The following MYO16 variants were observed in gnomAD, a reference collection of about 807,000 sequenced individuals.
MYO16 encodes unconventional myosin-XVI.
Under a neutral mutation model 205.3 loss-of-function variants are expected in MYO16, and 94 were observed. The ratio of observed to expected loss-of-function variants is 0.46; its 90% confidence interval spans 0.39 to 0.54. MYO16 has a LOEUF of 0.54. Ranked by LOEUF, MYO16 falls within the 20% of genes least tolerant of loss-of-function variation. The pLI, the probability that MYO16 is intolerant of heterozygous loss-of-function variation, is 0.00. For missense variants in MYO16, 2,315 were observed against 2,387.5 expected, an observed-to-expected ratio of 0.97 and a Z score of 0.63; for synonymous variants, 988 against 954.0, an observed-to-expected ratio of 1.04 and a Z score of -0.66.
chr13:108,639,744 A>G (rs1421363136), intron 1 of MYO16, among the ~76,000 whole-genome samples: 1 of 152,236 alleles, frequency 6.6e-6, no homozygotes, highest in African/African-American at 2.4e-5. Context: ...GAGGCCAGGT[A>G]GGTGGCTCTT....
intron 23 of MYO16, among the ~76,000 whole-genome samples, chr13:109,021,122 A>G (rs771649775): frequency 3.3e-5 from 5 of 152,196 alleles, no homozygotes; most frequent in Non-Finnish European, 5.9e-5. Flanking sequence ...TTGGAAAGAC[A>G]TAGAATTTTG....
chr13:108,881,061 A>G (rs777040541), intron 12 of MYO16, among the ~76,000 whole-genome samples: 8 of 152,206 alleles, frequency 5.3e-5, no homozygotes, highest in Non-Finnish European at 8.8e-5. Context: ...CTGACACGTC[A>G]TACAGCCAGG....
intron 3 of MYO16, 73 bp downstream of exon 3, chr13:108,712,804 G>A (rs930091948): frequency 1.7e-6 from 2 of 1,159,218 alleles, no homozygotes; most frequent in Non-Finnish European, 2.4e-6. Flanking sequence ...TCAAACCCAG[G>A]AACGAAATGT....
At chr13:109,132,998 A>G (rs1876609556) in intron 31 of MYO16, among the ~76,000 whole-genome samples, 1 of 152,202 alleles carries the variant, frequency 6.6e-6, no homozygotes, top group Non-Finnish European at 1.5e-5. Context: ...GGGCATGCCA[A>G]CAGCATCGAG....
chr13:108,863,479 A>T (rs1056517927), intron 11 of MYO16, among the ~76,000 whole-genome samples: 1 of 152,106 alleles, frequency 6.6e-6, no homozygotes, highest in African/African-American at 2.4e-5. Context: ...GTTTTTTAAA[A>T]TATTATTAGT....
intron 1 of MYO16, among the ~76,000 whole-genome samples, chr13:108,604,077 GAGGAAA>G (rs1315044496): frequency 6.6e-6 from 1 of 152,014 alleles, no homozygotes; most frequent in Non-Finnish European, 1.5e-5. Context: ...CAAAGCTAAG[GAGGAAA>G]AGCCCCTTCT....
Position 109,206,764 on chromosome 13 carries a change from C to A in MYO16, c.5571C>A (p.Pro1857=). 1 of 1,614,180 alleles carries A rather than the reference C, an allele frequency of 6.2e-7. No individual in the cohort carries two copies. Among genetic ancestry groups the A allele is most frequent in the Non-Finnish European group, 8.5e-7 (1 of 1,180,030 alleles). The change falls in exon 35 of 35, where the codon CCC becomes CCA. Residue 1857 remains proline (P), a synonymous_variant. Transcript: ENST00000457511. The part of the protein sequence containing the change: ...RVPPPPPCKK[P]SLLKKPEGAS... ...CTCCCCCACCACCTTGCAAGAAGCC[C>A]AGCCTTCTGAAGAAGCCGGAAGGGG...
intron 34 of MYO16, among the ~76,000 whole-genome samples, chr13:109,183,442 T>G (rs1879542194): frequency 6.6e-6 from 1 of 152,224 alleles, no homozygotes. Context: ...TGCTTGGTAC[T>G]TGCCCTTGGC....
At chr13:108,755,143 A>G (rs972208116) in intron 4 of MYO16, among the ~76,000 whole-genome samples, 6 of 152,094 alleles carry the variant, frequency 3.9e-5, no homozygotes, top group Non-Finnish European at 7.4e-5. Context: ...AGAGATCAAC[A>G]GTGATTTCTG....
intron 32 of MYO16, among the ~76,000 whole-genome samples, chr13:109,143,946 G>A (rs1877212702): frequency 6.6e-6 from 1 of 151,816 alleles, no homozygotes; most frequent in Non-Finnish European, 1.5e-5. Context: ...ACCAGACCAG[G>A]TCATCCCTGT....
the MYO16 span, among the ~76,000 whole-genome samples, chr13:108,587,514 C>T: frequency 1.3e-5 from 2 of 152,036 alleles, no homozygotes; most frequent in African/African-American, 2.4e-5. Flanking sequence ...ATGTTATTCA[C>T]GTTTTAAATT....
At chr13:109,190,876 A>C (rs1031415679) in intron 34 of MYO16, among the ~76,000 whole-genome samples, 1 of 152,208 alleles carries the variant, frequency 6.6e-6, no homozygotes, top group Non-Finnish European at 1.5e-5. Context: ...TAAAGCATAT[A>C]ATAATATATA....
intron 22 of MYO16, among the ~76,000 whole-genome samples, chr13:109,017,739 T>C (rs1457885476): frequency 6.6e-6 from 1 of 152,230 alleles, no homozygotes; most frequent in Non-Finnish European, 1.5e-5. Flanking sequence ...ACACCCTTTC[T>C]TCCAGTTGAT....
intron 16 of MYO16, among the ~76,000 whole-genome samples, chr13:108,915,561 G>A (rs1881462373): frequency 6.6e-6 from 1 of 152,174 alleles, no homozygotes; most frequent in South Asian, 2.1e-4. Context: ...TTATACAAAC[G>A]TTACATTTGG....
Position 109,139,582 on chromosome 13 carries a change from G to T in MYO16, c.4052-682G>T, listed in dbSNP as rs1295620414. Among the ~76,000 whole-genome samples the T allele has an allele frequency of 2.6e-5, 4 of 152,218 alleles. No individual in the cohort carries two copies. The East Asian group carries it at 5.8e-4, about 22-fold the overall frequency. The stretch of plus-strand genomic sequence containing the variant: ...TTAAAGAAGGAAGTGGCTTTATTCG[G>T]CCGGGAGCTTCTGCAGACTTGCGTC... On this transcript the variant is annotated intron_variant, in intron 31 of 34. Coordinates refer to ENST00000457511, the MANE Select transcript of MYO16 (RefSeq NM_001198950.3).
intron 15 of MYO16, among the ~76,000 whole-genome samples, chr13:108,908,156 C>T (rs190687936): frequency 1.1e-4 from 17 of 152,290 alleles, no homozygotes; most frequent in African/African-American, 3.9e-4. Context: ...CACACATGCT[C>T]ATCCACTGAG....
rs34317737 is a variant in MYO16 at position 109,127,859 on chromosome 13, T to TAAAAA, written c.4051+324_4051+328dup. Reference sequence around the variant, plus strand: ...ATGTAAAGGTTCACCAATGAGAAAGTAAAAAAAAAAAAAAAAAAACTGCTT... The same window carrying TAAAAA: ...ATGTAAAGGTTCACCAATGAGAAAGTAAAAAAAAAAAAAAAAAAAAAAAACTGCTT... On this transcript the variant is annotated intron_variant, in intron 31 of 34. Transcript: ENST00000457511. This position sits in a 1 kb window ranked among gnomAD's most constrained non-coding sequence, Gnocchi z 4.2. Among the ~76,000 whole-genome samples, 11,002 of 132,346 alleles carry TAAAAA rather than the reference T, an allele frequency of 0.083. 574 individuals carry two copies. The highest frequency in any genetic ancestry group is 0.15 in the African/African-American group (5,239 of 35,278). 86.8% of individuals were successfully genotyped at this position (132,346 alleles called of 152,430 possible).
chr13:109,051,861 A>G (rs1887257451), intron 24 of MYO16, among the ~76,000 whole-genome samples: 7 of 152,142 alleles, frequency 4.6e-5, no homozygotes. Context: ...TCTCACAGGT[A>G]CTTACAGACG....
At chr13:108,595,611 C>T (rs1178992293), upstream of MYO16, among the ~76,000 whole-genome samples, 2 of 152,122 alleles carry the variant, frequency 1.3e-5, no homozygotes, top group African/African-American at 4.8e-5. Context: ...AATCACTAGA[C>T]AGTCAGCCCC....
Sources: allele counts gnomAD v4.1 joint callset (sites outside exome capture counted in the v4.1 genomes callset), GRCh38; gene constraint gnomAD v4.1.1; non-coding constraint Gnocchi (gnomAD v3.1); transcripts MANE v1.5; gene names NCBI Gene and HGNC (gene_info 2026-07-23, HGNC 2026-07-21).